Variants in TTC17 observed in about 807,000 individuals in gnomAD.
TTC17 encodes tetratricopeptide repeat domain 17.
A neutral mutation model predicts 143.8 loss-of-function variants in TTC17; 58 were observed. The observed-to-expected ratio is 0.40, with a 90% confidence interval of 0.33 to 0.50. The LOEUF is 0.50. Ranked by LOEUF, TTC17 falls within the 20% of genes least tolerant of loss-of-function variation. The pLI is 0.49. For missense variants in TTC17, 1,273 were observed against 1,392.5 expected (o/e 0.91, Z 1.37); for synonymous variants, 501 against 497.8 (o/e 1.01, Z -0.09).
chr11:43,417,574 G>A (rs921407036), intron 16 of TTC17, among the ~76,000 whole-genome samples: 1 of 152,166 alleles, frequency 6.6e-6, no homozygotes, highest in Admixed American at 6.5e-5. Flanking sequence ...GGTGGCTCAT[G>A]CCTGTAATCC....
intron 20 of TTC17, 23 bp from the exon 21 acceptor site, chr11:43,451,159 T>A: frequency 6.2e-7 from 1 of 1,608,702 alleles, no homozygotes; most frequent in Non-Finnish European, 8.5e-7. Context: ...ATTCTTCTAA[T>A]CTACTATCTT....
intron 21 of TTC17, among the ~76,000 whole-genome samples, chr11:43,470,688 C>G (rs115392914): frequency 6.6e-6 from 1 of 152,148 alleles, no homozygotes; most frequent in Non-Finnish European, 1.5e-5. Flanking sequence ...TGAGTTAAAA[C>G]TTTAGGGTAG....
At chr11:43,393,649 C>T (rs1590347018) in intron 5 of TTC17, among the ~76,000 whole-genome samples, 1 of 152,278 alleles carries the variant, frequency 6.6e-6, no homozygotes, top group Non-Finnish European at 1.5e-5. Context: ...AAGATCTAAC[C>T]CTCTGATCAT....
chr11:43,425,226 G>A (rs1389789592), intron 16 of TTC17, among the ~76,000 whole-genome samples: 2 of 152,122 alleles, frequency 1.3e-5, no homozygotes, highest in Non-Finnish European at 2.9e-5. Context: ...AGCTGAGGTG[G>A]GAGGATCACT....
intron 2 of TTC17, among the ~76,000 whole-genome samples, chr11:43,388,962 G>C (rs551831015): frequency 4.9e-4 from 74 of 150,060 alleles, no homozygotes; most frequent in Non-Finnish European, 8.6e-4. Context: ...GTGACAAAGT[G>C]AGACCCTGTC....
At chr11:43,374,439 A>G (rs1590317898) in intron 1 of TTC17, among the ~76,000 whole-genome samples, 2 of 152,204 alleles carry the variant, frequency 1.3e-5, no homozygotes, top group Admixed American at 1.3e-4. Context: ...TAATTAAACT[A>G]AAAAGCTTCT....
At chr11:43,404,306 G>T (rs563816682) in intron 11 of TTC17, among the ~76,000 whole-genome samples, 162 bp downstream of exon 11, 47 of 152,314 alleles carry the variant, frequency 3.1e-4, no homozygotes, top group African/African-American at 1.1e-3. Flanking sequence ...CTGCTAGGTA[G>T]TGAATGAGTA....
intron 16 of TTC17, among the ~76,000 whole-genome samples, chr11:43,435,569 A>T (rs1947273889): frequency 6.6e-6 from 1 of 152,232 alleles, no homozygotes. Flanking sequence ...ATACATGCCG[A>T]AAGTTATTTT....
At chr11:43,469,210 C>T (rs1948041940) in intron 21 of TTC17, among the ~76,000 whole-genome samples, 1 of 152,138 alleles carries the variant, frequency 6.6e-6, no homozygotes. Context: ...GTGAAAAAGA[C>T]TGATAATGAC....
chr11:43,461,339 G>A (rs543615044), intron 21 of TTC17, among the ~76,000 whole-genome samples: 101 of 145,232 alleles, frequency 7.0e-4, no homozygotes, highest in African/African-American at 2.5e-3. Context: ...AGCCGAGATT[G>A]CGCCACTGCA....
At chr11:43,374,883 C>G (rs1856705459) in intron 1 of TTC17, among the ~76,000 whole-genome samples, 1 of 152,032 alleles carries the variant, frequency 6.6e-6, no homozygotes, top group Admixed American at 6.6e-5. Context: ...ACCATTTGAT[C>G]CAGCAGTTCC....
At chr11:43,388,239 T>C (rs1277066674) in intron 2 of TTC17, among the ~76,000 whole-genome samples, 5 of 152,200 alleles carry the variant, frequency 3.3e-5, no homozygotes, top group East Asian at 1.9e-4. Flanking sequence ...ATGAAAAATT[T>C]AGAGCTATCC....
intron 15 of TTC17, among the ~76,000 whole-genome samples, chr11:43,408,368 T>G (rs1193044365): frequency 1.3e-5 from 2 of 152,180 alleles, no homozygotes; most frequent in Non-Finnish European, 2.9e-5. Context: ...ATACAGAAAT[T>G]CACAACTGGA....
At chr11:43,456,179 A>AACACACACAC (rs57261729) in intron 21 of TTC17, among the ~76,000 whole-genome samples, 9 of 146,314 alleles carry the variant, frequency 6.2e-5, no homozygotes, top group East Asian at 2.0e-4. Context: ...TTAGCACAAT[A>AACACACACAC]ACACACACAC....
chr11:43,419,128 T>G (rs976616966), intron 16 of TTC17, among the ~76,000 whole-genome samples: 2 of 152,206 alleles, frequency 1.3e-5, no homozygotes, highest in African/African-American at 4.8e-5. Flanking sequence ...CATTTCTTAA[T>G]TAATTGAGGC....
At chr11:43,484,034 C>T (rs906219328) in intron 21 of TTC17, among the ~76,000 whole-genome samples, 3 of 152,100 alleles carry the variant, frequency 2.0e-5, no homozygotes, top group African/African-American at 7.2e-5. Context: ...CCCAGCTATT[C>T]AGGAGGCTGA....
chr11:43,482,591 A>G (rs1367262450), intron 21 of TTC17, among the ~76,000 whole-genome samples: 1 of 152,106 alleles, frequency 6.6e-6, no homozygotes, highest in African/African-American at 2.4e-5. Context: ...AGCTTGTTTT[A>G]TGGGCCAGAA....
At chr11:43,422,524 G>A (rs971294875) in intron 16 of TTC17, among the ~76,000 whole-genome samples, 2 of 152,064 alleles carry the variant, frequency 1.3e-5, no homozygotes, top group African/African-American at 2.4e-5. Flanking sequence ...CAGTTACTAG[G>A]GTATTCTAGC....
At chr11:43,476,637 A>G (rs1365051298) in intron 21 of TTC17, among the ~76,000 whole-genome samples, 7 of 152,314 alleles carry the variant, frequency 4.6e-5, no homozygotes, top group Middle Eastern at 3.4e-3. Flanking sequence ...CCCAAGCTGT[A>G]TGTTGGCCTC....
Sources: allele counts gnomAD v4.1 joint callset (sites outside exome capture counted in the v4.1 genomes callset), GRCh38; gene constraint gnomAD v4.1.1; transcripts MANE v1.5; gene names NCBI Gene and HGNC (gene_info 2026-07-23, HGNC 2026-07-21).